GTF3C4: variants seen among roughly 807,000 people sequenced by gnomAD.
The protein encoded by GTF3C4 is general transcription factor IIIC subunit 4, also known as general transcription factor 3C polypeptide 4.
A neutral mutation model predicts 67.5 loss-of-function variants in GTF3C4; 28 were observed. The observed-to-expected ratio is 0.41, with a 90% CI of 0.31 to 0.57. The LOEUF (loss-of-function observed/expected upper bound fraction) is 0.57. GTF3C4 is among the 20% of genes least tolerant of loss of function. GTF3C4 has a pLI of 0.21. For synonymous variants in GTF3C4, 409 were observed against 393.0 expected, an observed-to-expected ratio of 1.04 and a Z score of -0.48; for missense variants, 831 against 1,033.2, an observed-to-expected ratio of 0.80 and a Z score of 2.68.
In GTF3C4 at chr9:132,689,116, T is replaced by G; in HGVS notation, c.*171T>G. ...CTCATTTCTGAATCGCACTCTCCAT[T>G]TCCAGAGACTAAAGGATGTCCTTTG... On this transcript the variant is annotated 3_prime_UTR_variant, in exon 5 of 5. Transcript: ENST00000372146. The G allele has an allele frequency of 1.7e-6, 1 of 605,144 alleles. No homozygotes were observed. Among genetic ancestry groups the G allele is most frequent in the Non-Finnish European group, 3.0e-6 (1 of 337,894 alleles). The allele number at this position is 605,144 out of a possible 1,614,324, so 37.5% of individuals were successfully genotyped here. A position where few individuals can be genotyped will look rare whatever the true frequency, so the allele number is the denominator to read the frequency against.
chr9:132,670,335 G>T (rs1835674651), upstream of GTF3C4: 2 of 1,435,538 alleles, frequency 1.4e-6, no homozygotes, highest in Non-Finnish European at 1.8e-6. Context: ...TCCCTAACAG[G>T]CTCTGGAGCT....
At position 132,678,831 on chromosome 9, in the gene GTF3C4, T is replaced by A. The variant is rs189877158; in HGVS notation, c.1212T>A (p.Leu404=). Residue 404 remains leucine, a synonymous_variant, in exon 2 of 5, where the codon CTT becomes CTA. Coordinates refer to ENST00000372146, the MANE Select transcript of GTF3C4 (RefSeq NM_012204.4). The surrounding 1 kb of genome is among the most constrained non-coding windows in gnomAD (Gnocchi z 6.5). ...GCTCTTATGTATTTTGGTGTCTTCT[T>A]CTGATCTCCAAAGCAGGGCTGAATG... ...ARGSYVFWCL[L]LISKAGLNVH... The A allele has an allele frequency of 4.3e-6, 7 of 1,614,194 alleles. No individual in the cohort carries two copies. The African/African-American group carries it at 8.0e-5, about 18-fold the overall frequency.
At chr9:132,671,074 C>T in intron 1 of GTF3C4, 119 bp downstream of exon 1, 1 of 704,678 alleles carries the variant, frequency 1.4e-6, no homozygotes, top group Non-Finnish European at 2.4e-6. Flanking sequence ...TCGCACCGAG[C>T]GCTGGGGATT....
At position 132,693,121 on chromosome 9, in the gene GTF3C4, C is replaced by T. The variant is rs1205338571; in HGVS notation, c.*4176C>T. 6.6e-6 allele frequency: 1 copy of T among 152,162 alleles called. No homozygotes were observed. 9.4% of individuals were successfully genotyped at this position (152,162 alleles called of 1,614,324 possible). ...TAAACTCATTTCCATGGCACAGATA[C>T]AAATCATCGTCAGGACTTGTTAGCC... is the stretch of plus-strand genomic sequence containing the variant. On this transcript the variant is annotated 3_prime_UTR_variant, in exon 5 of 5. Transcript: ENST00000372146.
chr9:132,680,748 A>G (rs1442415753), intron 2 of GTF3C4, among the ~76,000 whole-genome samples: 4 of 152,244 alleles, frequency 2.6e-5, no homozygotes, highest in African/African-American at 9.6e-5. Flanking sequence ...TATTGCTCAT[A>G]GAATGTTTGC....
At chr9:132,684,190 C>G (rs115688271) in intron 3 of GTF3C4, among the ~76,000 whole-genome samples, 1 of 152,178 alleles carries the variant, frequency 6.6e-6, no homozygotes, top group South Asian at 2.1e-4. Context: ...TCAGCACTTT[C>G]CCTGGGTGGT....
chr9:132,686,926 A>AATT (rs1836038949), intron 3 of GTF3C4, among the ~76,000 whole-genome samples: 1 of 152,222 alleles, frequency 6.6e-6, no homozygotes. Context: ...ATACATGATC[A>AATT]ATTTTTAAAA....
chr9:132,687,103 G>C (rs1353133978), intron 3 of GTF3C4, 136 bp from the exon 4 acceptor site: 14 of 714,228 alleles, frequency 2.0e-5, no homozygotes, highest in Non-Finnish European at 5.2e-6. Context: ...GCATTGTTAT[G>C]TGAATGTATG....
chr9:132,684,014 C>T (rs547085728), intron 3 of GTF3C4, among the ~76,000 whole-genome samples: 4 of 152,270 alleles, frequency 2.6e-5, no homozygotes, highest in African/African-American at 9.6e-5. Context: ...GTTACTGGAC[C>T]TGTGGGCTGC....
At chr9:132,670,415 T>C (rs1348406750), upstream of GTF3C4, 14 of 1,042,506 alleles carry the variant, frequency 1.3e-5, no homozygotes, top group Non-Finnish European at 1.8e-5. Context: ...GACAGGCAGT[T>C]CCTTGGCCAC....
In GTF3C4 at chr9:132,687,345, C is replaced by A; in HGVS notation, c.2404+18C>A. ...TCCAGAAGGTGAGTGCTTTCCCTTA[C>A]TTGGGAGGGTGGGTGGGTGGAACAT... On this transcript the variant is annotated intron_variant, in intron 4 of 4. Transcript: ENST00000372146. The A allele has an allele frequency of 4.2e-6, 1 of 240,362 alleles. No individual in the cohort carries two copies. The highest frequency in any genetic ancestry group is 1.3e-4 in the East Asian group (1 of 7,650). The allele number at this position is 240,362 out of a possible 1,614,324, so 14.9% of individuals were successfully genotyped here.
Position 132,694,097 on chromosome 9 carries a change from T to TTA in GTF3C4, c.*5155_*5156dup, listed in dbSNP as rs1428591833. ...TTACCATCTGATTAGGTGGAATGTT[T>TTA]TATAGACTTTTGGTGTTGAAAAAAA... On this transcript the variant is annotated 3_prime_UTR_variant, in exon 5 of 5. Transcript: ENST00000372146. 1.3e-5 allele frequency: 2 copies of TTA among 152,198 alleles called. No individual in the cohort carries two copies. Among genetic ancestry groups the TTA allele is most frequent in the Non-Finnish European group, 2.9e-5 (2 of 68,036 alleles). 9.4% of individuals were successfully genotyped at this position (152,198 alleles called of 1,614,324 possible).
At chr9:132,677,833 T>A in intron 1 of GTF3C4, 144 bp from the exon 2 acceptor site, 1 of 677,994 alleles carries the variant, frequency 1.5e-6, no homozygotes, top group Non-Finnish European at 2.5e-6. Flanking sequence ...ATCTTAAGAA[T>A]CAAGTACATC....
intron 1 of GTF3C4, among the ~76,000 whole-genome samples, chr9:132,673,087 G>T (rs1835810833): frequency 6.6e-6 from 1 of 152,200 alleles, no homozygotes; most frequent in Non-Finnish European, 1.5e-5. Context: ...GGAGGCTGAG[G>T]CAGGAGAATG....
In GTF3C4 at chr9:132,679,582, A is replaced by C. The variant is rs758374926; in HGVS notation, c.1963A>C (p.Thr655Pro). Residue 655 changes from threonine (T) to proline (P), a missense_variant, in exon 2 of 5, where the codon ACG becomes CCG. By Grantham distance (38) the Thr-to-Pro change is conservative. This residue lies in a region of GTF3C4 where 129 missense variants were observed against 213.8 expected (regional missense o/e 0.60). Transcript: ENST00000372146. The surrounding 1 kb of genome is among the most constrained non-coding windows in gnomAD (Gnocchi z 5.9). ...GGAGCCCACTGATGACTCGCTCCCC[A>C]CGACTGGAGATGCTGGAGGCCGTGA... is the stretch of plus-strand genomic sequence containing the variant. Reference protein sequence around the residue: ...VEEPTDDSLPTTGDAGGREPM... With the variant: ...VEEPTDDSLPPTGDAGGREPM... 18 of 1,614,026 alleles carry C rather than the reference A, an allele frequency of 1.1e-5. No individual in the cohort carries two copies. Among genetic ancestry groups the C allele is most frequent in the Non-Finnish European group, 1.4e-5 (17 of 1,180,040 alleles).
chr9:132,672,027 A>G (rs528204806), intron 1 of GTF3C4, among the ~76,000 whole-genome samples: 1 of 152,326 alleles, frequency 6.6e-6, no homozygotes, highest in South Asian at 2.1e-4. Context: ...ACTTAATTCA[A>G]GTTTCAAACA....
chr9:132,693,652 A>G lies in GTF3C4; in HGVS notation c.*4707A>G, dbSNP rs1159068538. 7.2e-5 allele frequency: 3 copies of G among 41,826 alleles called. No individual in the cohort carries two copies. The highest frequency in any genetic ancestry group is 1.2e-4 in the Non-Finnish European group (3 of 24,732). 2.6% of individuals were successfully genotyped at this position (41,826 alleles called of 1,614,324 possible). A position where few individuals can be genotyped will look rare whatever the true frequency, so the allele number is the denominator to read the frequency against. ...TCATGAAATCCTGTTACTTTCATTA[A>G]AAAAAAAAATCCTGTAAAATGGTCA... On this transcript the variant is annotated 3_prime_UTR_variant, in exon 5 of 5. Transcript: ENST00000372146.
At position 132,678,036 on chromosome 9, in the gene GTF3C4, C is replaced by T. The variant is rs1179640944; in HGVS notation, c.417C>T (p.Pro139=). The change falls in exon 2 of 5, where the codon CCC becomes CCT. Residue 139 remains proline, a synonymous_variant. Coordinates refer to ENST00000372146, the MANE Select transcript of GTF3C4 (RefSeq NM_012204.4). The surrounding 1 kb of genome is among the most constrained non-coding windows in gnomAD (Gnocchi z 6.5). ...CKEKFAASKD[P]TVSQTFMLDR... is the part of the protein sequence containing the mutation. ...AGAAATTCGCCGCCTCCAAGGACCC[C>T]ACGGTCAGTCAGACTTTCATGTTGG... is the stretch of plus-strand genomic sequence containing the variant. 11 of 1,613,948 alleles carry T rather than the reference C, an allele frequency of 6.8e-6. No individual in the cohort carries two copies. The highest frequency in any genetic ancestry group is 2.2e-5 in the South Asian group (2 of 91,076).
At position 132,670,689 on chromosome 9, in the gene GTF3C4, G is replaced by C. The variant is rs780496217; in HGVS notation, c.91G>C (p.Gly31Arg). The C allele has an allele frequency of 2.0e-6, 3 of 1,514,874 alleles. No homozygotes were observed. In the African/African-American group the frequency reaches 4.2e-5, roughly 21 times the overall value. The allele number at this position is 1,514,874 out of a possible 1,614,324, so 93.8% of individuals were successfully genotyped here. Reference sequence around the variant, plus strand: ...GGAGGGAGAGGGGGGCGGCGAGGCGGGCGGGAAGGAGCCAGCAGCGGACGC... The same window carrying C: ...GGAGGGAGAGGGGGGCGGCGAGGCGCGCGGGAAGGAGCCAGCAGCGGACGC... ...EEEGEGGGEA[G>R]GKEPAADAAP... The change falls in exon 1 of 5, where the codon GGC becomes CGC. Residue 31 changes from glycine to arginine, a missense_variant. Coordinates refer to ENST00000372146, the MANE Select transcript of GTF3C4 (RefSeq NM_012204.4).
Sources: gnomAD v4.1 joint callset for allele counts (sites outside exome capture counted in the v4.1 genomes callset) on GRCh38, gnomAD v4.1.1 for gene constraint, gnomAD v4.1.1 regional missense constraint, Gnocchi (gnomAD v3.1) non-coding constraint, MANE v1.5 for transcripts, NCBI Gene and HGNC (gene_info 2026-07-23, HGNC 2026-07-21) for gene names.